The following HSF5 variants were observed in gnomAD, a reference collection of about 807,000 sequenced individuals.
HSF5 encodes the protein heat shock transcription factor 5, also known as heat shock factor protein 5.
Under a neutral mutation model 50.8 loss-of-function variants are expected in HSF5, and 5 were observed. The observed-to-expected ratio is 0.10, with a 90% confidence interval of 0.05 to 0.21. HSF5 has a LOEUF of 0.21. HSF5 is among the 10% of genes least tolerant of loss of function. HSF5 has a pLI of 1.00. For missense variants in HSF5, 564 were observed against 762.6 expected (o/e 0.74, Z 3.07); for synonymous variants, 307 against 307.4 (o/e 1.00, Z 0.02).
intron 5 of HSF5, among the ~76,000 whole-genome samples, chr17:58,442,180 C>T (rs1306367342): frequency 6.6e-6 from 1 of 152,158 alleles, no homozygotes; most frequent in Non-Finnish European, 1.5e-5. Context: ...GGCTGTCCCC[C>T]AGAAGTCATT....
intron 5 of HSF5, among the ~76,000 whole-genome samples, chr17:58,442,304 CAAAGAGTTGTAA>C (rs1489851935): frequency 6.6e-6 from 1 of 152,184 alleles, no homozygotes; most frequent in Admixed American, 6.5e-5. Context: ...TGATCAAAGT[CAAAGAGTTGTAA>C]ACATACAGGA....
At chr17:58,445,091 A>T (rs1247496641) in intron 5 of HSF5, among the ~76,000 whole-genome samples, 1 of 152,236 alleles carries the variant, frequency 6.6e-6, no homozygotes, top group Non-Finnish European at 1.5e-5. Context: ...GCCTTCCTTA[A>T]AAAAATCCAG....
chr17:58,450,675 C>T (rs1171156735), intron 5 of HSF5, among the ~76,000 whole-genome samples: 1 of 150,306 alleles, frequency 6.7e-6, no homozygotes, highest in Non-Finnish European at 1.5e-5. Flanking sequence ...ATCACTTGAA[C>T]CTGGAAGGCA....
intron 5 of HSF5, among the ~76,000 whole-genome samples, chr17:58,439,277 A>G (rs975655585): frequency 2.1e-5 from 3 of 145,674 alleles, no homozygotes; most frequent in Non-Finnish European, 4.6e-5. Context: ...ATGGAAAAAA[A>G]AAACAAAAAC....
chr17:58,443,850 G>A (rs917860421), intron 5 of HSF5, among the ~76,000 whole-genome samples: 6 of 152,192 alleles, frequency 3.9e-5, no homozygotes, highest in African/African-American at 9.7e-5. Context: ...ATGTGGTTAC[G>A]TCTGGGGAAG....
At chr17:58,456,566 T>C (rs1258145343) in intron 5 of HSF5, among the ~76,000 whole-genome samples, 1 of 152,160 alleles carries the variant, frequency 6.6e-6, no homozygotes, top group Non-Finnish European at 1.5e-5. Flanking sequence ...TAGAGTGTTA[T>C]CACCACAAAG....
intron 3 of HSF5, among the ~76,000 whole-genome samples, chr17:58,465,676 G>A (rs1974856271): frequency 6.7e-6 from 1 of 149,998 alleles, no homozygotes; most frequent in Admixed American, 6.6e-5. Context: ...CCACTAGTAA[G>A]ATATTCTCCT....
intron 2 of HSF5, chr17:58,476,667 T>C (rs1392220092): frequency 6.4e-7 from 1 of 1,571,800 alleles, no homozygotes; most frequent in African/African-American, 1.3e-5. Flanking sequence ...CCCCAAGCAG[T>C]GCAGACACTT....
At chr17:58,451,132 G>A (rs1974635480) in intron 5 of HSF5, among the ~76,000 whole-genome samples, 1 of 152,154 alleles carries the variant, frequency 6.6e-6, no homozygotes, top group South Asian at 2.1e-4. Flanking sequence ...AATACAGCAG[G>A]AGGATATAAA....
intron 2 of HSF5, among the ~76,000 whole-genome samples, chr17:58,471,115 A>G (rs1974937666): frequency 6.6e-6 from 1 of 152,220 alleles, no homozygotes. Context: ...CGGTTGGGGA[A>G]GATGAAAAAG....
intron 5 of HSF5, among the ~76,000 whole-genome samples, chr17:58,428,878 T>C (rs886279280): frequency 1.3e-5 from 2 of 152,188 alleles, no homozygotes; most frequent in Non-Finnish European, 2.9e-5. Flanking sequence ...GACCCGGCAA[T>C]TCCACTTCTA....
chr17:58,488,038 G>A lies in HSF5; in HGVS notation c.237C>T (p.Ser79=), dbSNP rs1400483529. The change falls in exon 1 of 6, where the codon AGC becomes AGT. Residue 79 remains serine (S), a synonymous_variant. Transcript: ENST00000323777. This position sits in a 1 kb window ranked among gnomAD's most constrained non-coding sequence, Gnocchi z 4.1. The part of the protein sequence containing the change: ...PELFKTTSFT[S]FIRQLNLYGF... The stretch of plus-strand genomic sequence containing the variant: ...CGTAGAGGTTGAGCTGGCGGATGAA[G>A]CTGGTGAAGCTGGTGGTTTTGAAGA... 6.2e-7 allele frequency: 1 copy of A among 1,604,472 alleles called. No individual in the cohort carries two copies. Among genetic ancestry groups the A allele is most frequent in the Non-Finnish European group, 8.5e-7 (1 of 1,177,506 alleles).
chr17:58,459,904 T>A (rs1246859484), intron 4 of HSF5, among the ~76,000 whole-genome samples: 1 of 152,228 alleles, frequency 6.6e-6, no homozygotes, highest in Non-Finnish European at 1.5e-5. Flanking sequence ...TTAGATGGTT[T>A]CAGTGGGATG....
chr17:58,448,060 G>A (rs946773930), intron 5 of HSF5, among the ~76,000 whole-genome samples: 2 of 150,706 alleles, frequency 1.3e-5, no homozygotes, highest in African/African-American at 4.9e-5. Flanking sequence ...CTTGAACCTG[G>A]GAGGTGGAAG....
intron 2 of HSF5, among the ~76,000 whole-genome samples, chr17:58,471,783 T>C (rs1261510460): frequency 6.6e-6 from 1 of 151,984 alleles, no homozygotes; most frequent in East Asian, 1.9e-4. Context: ...ATTAAAAATA[T>C]CACGTGTACC....
intron 5 of HSF5, among the ~76,000 whole-genome samples, chr17:58,433,189 C>T (rs779396815): frequency 9.9e-5 from 15 of 152,276 alleles, no homozygotes; most frequent in African/African-American, 2.4e-5. Flanking sequence ...TTTGTAGAGA[C>T]ATGGTTTCAC....
At chr17:58,454,463 C>T (rs979904890) in intron 5 of HSF5, among the ~76,000 whole-genome samples, 3 of 152,014 alleles carry the variant, frequency 2.0e-5, no homozygotes, top group South Asian at 2.1e-4. Flanking sequence ...TTATTCAACA[C>T]AGTACTGGAA....
intron 3 of HSF5, among the ~76,000 whole-genome samples, chr17:58,464,598 T>C (rs975092246): frequency 6.6e-5 from 10 of 152,224 alleles, no homozygotes; most frequent in African/African-American, 2.4e-4. Flanking sequence ...CTTATTGCTA[T>C]TTTCCTATGA....
Position 58,488,300 on chromosome 17 carries a change from C to G in HSF5, c.-26G>C. 1 of 1,450,772 alleles carries G rather than the reference C, an allele frequency of 6.9e-7. No individual in the cohort carries two copies. The allele number at this position is 1,450,772 out of a possible 1,614,324, so 89.9% of individuals were successfully genotyped here. On this transcript the variant is annotated 5_prime_UTR_variant, in exon 1 of 6. Coordinates refer to ENST00000323777, the MANE Select transcript of HSF5 (RefSeq NM_001080439.3). The surrounding 1 kb of genome is among the most constrained non-coding windows in gnomAD (Gnocchi z 4.1). ...CGCCCCGCCGGGCCGGGGCCTCGCCCCCCGAGCCTAGCTCTCCCACACCGT... is the reference window on the plus strand; with the variant it reads ...CGCCCCGCCGGGCCGGGGCCTCGCCGCCCGAGCCTAGCTCTCCCACACCGT...
Sources: gnomAD v4.1 joint callset for allele counts (sites outside exome capture counted in the v4.1 genomes callset) on GRCh38, gnomAD v4.1.1 for gene constraint, Gnocchi (gnomAD v3.1) non-coding constraint, MANE v1.5 for transcripts, NCBI Gene and HGNC (gene_info 2026-07-23, HGNC 2026-07-21) for gene names.